PHACTR1: variants seen among roughly 807,000 people sequenced by gnomAD.
The protein encoded by PHACTR1 is RPEL repeat containing 1.
In PHACTR1, 16 loss-of-function variants were observed where a neutral mutation model predicts 69.2. The observed-to-expected ratio is 0.23, with a 90% CI of 0.16 to 0.35. PHACTR1 has a LOEUF of 0.35. Ranked by LOEUF, PHACTR1 falls within the 10% of genes least tolerant of loss-of-function variation. PHACTR1 has a pLI of 1.00. For synonymous variants in PHACTR1, 312 were observed against 284.5 expected (o/e 1.10, Z -0.97); for missense variants, 510 against 734.7 (o/e 0.69, Z 3.54).
intron 3 of PHACTR1, among the ~76,000 whole-genome samples, chr6:12,743,531 G>A (rs1488011392): frequency 6.6e-6 from 1 of 152,100 alleles, no homozygotes; most frequent in Non-Finnish European, 1.5e-5. Flanking sequence ...CTCCTCTTGA[G>A]GTCCCTAGAT....
intron 4 of PHACTR1, among the ~76,000 whole-genome samples, chr6:12,887,150 C>G (rs973626882): frequency 1.3e-5 from 2 of 152,172 alleles, no homozygotes; most frequent in Non-Finnish European, 2.9e-5. Flanking sequence ...TACTTTACTT[C>G]AGCCAGTCCC....
At chr6:13,093,112 C>G (rs900514330) in intron 5 of PHACTR1, among the ~76,000 whole-genome samples, 1 of 152,122 alleles carries the variant, frequency 6.6e-6, no homozygotes, top group East Asian at 1.9e-4. Context: ...TGACAGAATT[C>G]TTAGTGATCT....
At position 12,882,182 on chromosome 6, in the gene PHACTR1, G is replaced by A. The variant is rs183446952; in HGVS notation, c.250+132392G>A. Among the ~76,000 whole-genome samples, 358 of 152,212 alleles carry A rather than the reference G, an allele frequency of 2.4e-3. 2 individuals carry two copies. The highest frequency in any genetic ancestry group is 0.017 in the Middle Eastern group (5 of 294). On this transcript the variant is annotated intron_variant, in intron 4 of 14. Transcript: ENST00000332995. ...CTATTGCCCATTGTTAGGAGTCTTC[G>A]CATGGGAAACAGGGTGAAAAATAAG... is the stretch of plus-strand genomic sequence containing the variant.
rs746177429 is a variant in PHACTR1, at chr6:13,182,511, T to C, written c.497-8T>C. On this transcript the variant is annotated splice_region_variant and splice_polypyrimidine_tract_variant and intron_variant, in intron 6 of 14. Coordinates refer to ENST00000332995, the MANE Select transcript of PHACTR1 (RefSeq NM_030948.6). The stretch of plus-strand genomic sequence containing the variant: ...TCTAACTCTGCAATCTCCTTTTCTC[T>C]CTGACAGATGGGGAACTCTCTATAT... 2.5e-6 allele frequency: 4 copies of C among 1,613,658 alleles called. No individual in the cohort carries two copies. Among genetic ancestry groups the C allele is most frequent in the Non-Finnish European group, 3.4e-6 (4 of 1,179,576 alleles).
intron 4 of PHACTR1, among the ~76,000 whole-genome samples, chr6:12,776,347 C>G (rs563593664): frequency 6.6e-6 from 1 of 152,188 alleles, no homozygotes; most frequent in African/African-American, 2.4e-5. Flanking sequence ...AGAAAATAAT[C>G]TTTCTACTTG....
At position 13,246,215 on chromosome 6, in the gene PHACTR1, C is replaced by T. The variant is rs2127385898; in HGVS notation, c.1391+16022C>T. ...ACTCATATATCTTCGTTGATTTTCT[C>T]AAAAGAAAAATAAATAATGTGGAGG... On this transcript the variant is annotated intron_variant, in intron 10 of 14. Transcript: ENST00000332995. The surrounding 1 kb of genome is among the most constrained non-coding windows in gnomAD (Gnocchi z 4.2). Among the ~76,000 whole-genome samples the T allele has an allele frequency of 6.6e-6, 1 of 152,184 alleles. No homozygotes were observed. Among genetic ancestry groups the T allele is most frequent in the African/African-American group, 2.4e-5 (1 of 41,518 alleles).
At chr6:13,281,364 G>A (rs1480693824) in intron 12 of PHACTR1, 4 of 331,346 alleles carry the variant, frequency 1.2e-5, no homozygotes, top group Non-Finnish European at 2.4e-5. Flanking sequence ...GAGCAGTCTG[G>A]GCAATATGGC....
intron 5 of PHACTR1, among the ~76,000 whole-genome samples, chr6:13,147,351 G>C (rs1187473823): frequency 6.6e-6 from 1 of 152,314 alleles, no homozygotes; most frequent in East Asian, 1.9e-4. Flanking sequence ...CCAAGAATAT[G>C]CAGCCTGGTC....
chr6:13,038,288 A>G (rs1014335682), intron 4 of PHACTR1, among the ~76,000 whole-genome samples: 1 of 152,136 alleles, frequency 6.6e-6, no homozygotes, highest in Admixed American at 6.5e-5. Context: ...TCTGGGCTGG[A>G]AATATAAATT....
At chr6:12,993,003 G>A (rs943821242) in intron 4 of PHACTR1, among the ~76,000 whole-genome samples, 3 of 152,170 alleles carry the variant, frequency 2.0e-5, no homozygotes, top group Non-Finnish European at 4.4e-5. Context: ...ACACATGGTT[G>A]ACAAAGAAAA....
At chr6:12,830,479 G>T (rs925607293) in intron 4 of PHACTR1, among the ~76,000 whole-genome samples, 1 of 152,050 alleles carries the variant, frequency 6.6e-6, no homozygotes, top group Non-Finnish European at 1.5e-5. Flanking sequence ...GAAGGAGAGA[G>T]GGGGAGGGAA....
chr6:13,277,136 A>C (rs1779090366), intron 11 of PHACTR1, among the ~76,000 whole-genome samples: 1 of 152,192 alleles, frequency 6.6e-6, no homozygotes, highest in African/African-American at 2.4e-5. Flanking sequence ...TCAGAAGGGA[A>C]ATGGTCTACC....
At chr6:13,235,431 T>C (rs1469699261) in intron 10 of PHACTR1, among the ~76,000 whole-genome samples, 1 of 152,182 alleles carries the variant, frequency 6.6e-6, no homozygotes, top group Non-Finnish European at 1.5e-5. Context: ...AAATCAGTAT[T>C]AAAAAATTAG....
intron 10 of PHACTR1, among the ~76,000 whole-genome samples, chr6:13,243,602 C>A (rs1773163452): frequency 6.6e-6 from 1 of 151,582 alleles, no homozygotes; most frequent in Non-Finnish European, 1.5e-5. Flanking sequence ...AAAAAAAAAA[C>A]CTTAGGTTCA....
At chr6:12,879,701 C>G (rs1245570238) in intron 4 of PHACTR1, among the ~76,000 whole-genome samples, 1 of 152,278 alleles carries the variant, frequency 6.6e-6, no homozygotes, top group East Asian at 1.9e-4. Context: ...AACAAGAACT[C>G]TCTGAAACAG....
intron 3 of PHACTR1, among the ~76,000 whole-genome samples, chr6:12,727,170 A>T (rs1040812732): frequency 1.3e-5 from 2 of 152,156 alleles, no homozygotes; most frequent in African/African-American, 4.8e-5. Context: ...TCAGACCTCT[A>T]ATTGCTCACA....
At chr6:12,885,972 G>A (rs988810295) in intron 4 of PHACTR1, among the ~76,000 whole-genome samples, 9 of 152,172 alleles carry the variant, frequency 5.9e-5, no homozygotes, top group African/African-American at 2.2e-4. Context: ...GATGGCACTT[G>A]TAATCCCAGC....
intron 5 of PHACTR1, among the ~76,000 whole-genome samples, chr6:13,140,839 T>C (rs1033468742): frequency 6.6e-6 from 1 of 152,214 alleles, no homozygotes; most frequent in Non-Finnish European, 1.5e-5. Flanking sequence ...ATGGAACTAA[T>C]AGTTTTGATA....
intron 10 of PHACTR1, chr6:13,253,199 C>T (rs995388173): frequency 3.2e-6 from 1 of 309,578 alleles, no homozygotes; most frequent in Non-Finnish European, 6.9e-6. Flanking sequence ...ACATTTAAAA[C>T]ACATGAGCTG....
Sources: allele counts gnomAD v4.1 joint callset (sites outside exome capture counted in the v4.1 genomes callset), GRCh38; gene constraint gnomAD v4.1.1; non-coding constraint Gnocchi (gnomAD v3.1); transcripts MANE v1.5; gene names NCBI Gene and HGNC (gene_info 2026-07-23, HGNC 2026-07-21).